The following PTPRS variants were observed in gnomAD, a reference collection of about 807,000 sequenced individuals.
PTPRS encodes receptor-type tyrosine-protein phosphatase S.
A neutral mutation model predicts 215.3 loss-of-function variants in PTPRS; 63 were observed. The ratio of observed to expected loss-of-function variants is 0.29; its 90% CI spans 0.24 to 0.36. The LOEUF (loss-of-function observed/expected upper bound fraction) is 0.36. Among genes scored for constraint, PTPRS ranks in the 10% least tolerant of loss-of-function variants. The pLI is 1.00. For synonymous variants in PTPRS, 1,404 were observed against 1,191.4 expected, an observed-to-expected ratio of 1.18 and a Z score of -3.68; for missense variants, 2,258 against 2,825.8, an observed-to-expected ratio of 0.80 and a Z score of 4.56.
chr19:5,246,786 T>G (rs1209779508), intron 9 of PTPRS, among the ~76,000 whole-genome samples: 1 of 152,018 alleles, frequency 6.6e-6, no homozygotes, highest in Admixed American at 6.6e-5. Flanking sequence ...ATTTTTGTGG[T>G]TTTTGGGTAT....
chr19:5,336,274 C>T (rs28438019), intron 1 of PTPRS, among the ~76,000 whole-genome samples: 152 of 33,776 alleles, frequency 4.5e-3, no homozygotes, highest in Non-Finnish European at 7.0e-3. Flanking sequence ...GGGGGGGGGG[C>T]GGGGGGGAAA....
chr19:5,279,936 G>A (rs1384634341), intron 2 of PTPRS, among the ~76,000 whole-genome samples: 2 of 152,142 alleles, frequency 1.3e-5, no homozygotes, highest in Non-Finnish European at 2.9e-5. Context: ...ACCCACCTTG[G>A]CCTCCCAAAG....
intron 18 of PTPRS, among the ~76,000 whole-genome samples, chr19:5,222,447 T>TGGAGGA (rs987279158): frequency 2.6e-4 from 6 of 23,416 alleles, no homozygotes; most frequent in Non-Finnish European, 4.0e-4. Flanking sequence ...AGAAAGAAGG[T>TGGAGGA]GGAGGAGGAG....
intron 1 of PTPRS, among the ~76,000 whole-genome samples, chr19:5,321,541 G>T (rs2050023917): frequency 6.6e-6 from 1 of 152,184 alleles, no homozygotes; most frequent in Non-Finnish European, 1.5e-5. Flanking sequence ...GGGTCATTTT[G>T]TAGAGGCCTC....
At chr19:5,307,381 C>T (rs537462339) in intron 1 of PTPRS, among the ~76,000 whole-genome samples, 4 of 151,824 alleles carry the variant, frequency 2.6e-5, no homozygotes, top group Non-Finnish European at 4.4e-5. Flanking sequence ...AAATAATGAT[C>T]GAAGAGATTA....
chr19:5,211,826 C>A, intron 32 of PTPRS, 58 bp from the exon 33 acceptor site: 1 of 1,594,274 alleles, frequency 6.3e-7, no homozygotes. Context: ...ATGCTTTCAG[C>A]TGGAGCACCA....
chr19:5,229,426 G>A (rs1280440546), intron 15 of PTPRS, 65 bp downstream of exon 15: 4 of 1,364,196 alleles, frequency 2.9e-6, no homozygotes, highest in South Asian at 3.7e-5. Context: ...GCAGAGGTGG[G>A]GGGAGCGCAA....
rs372417196 is a variant in PTPRS at position 5,210,618 on chromosome 19, G to A, written c.5362-24C>T. The A allele has an allele frequency of 1.1e-4, 183 of 1,613,968 alleles. No individual in the cohort carries two copies. The highest frequency in any genetic ancestry group is 1.4e-4 in the Non-Finnish European group (169 of 1,180,010). On this transcript the variant is annotated intron_variant, in intron 34 of 37. Coordinates refer to ENST00000262963, the MANE Select transcript of PTPRS (RefSeq NM_002850.4). The surrounding 1 kb of genome is among the most constrained non-coding windows in gnomAD (Gnocchi z 4.5). ...TCCTGTGGAGGAGATGGCGGCCGTG[G>A]TCAGCGCTGTCTGAGCCACAGTCTG...
At chr19:5,311,504 T>C (rs917024140) in intron 1 of PTPRS, among the ~76,000 whole-genome samples, 1 of 152,158 alleles carries the variant, frequency 6.6e-6, no homozygotes, top group Non-Finnish European at 1.5e-5. Flanking sequence ...CGACGGTTGT[T>C]TTCTGAACAC....
intron 1 of PTPRS, among the ~76,000 whole-genome samples, chr19:5,305,756 T>TAC (rs2049464586): frequency 9.0e-6 from 1 of 111,430 alleles, no homozygotes; most frequent in Admixed American, 9.1e-5. Context: ...AATATATATA[T>TAC]ATATATATAT....
intron 9 of PTPRS, 25 bp from the exon 10 acceptor site, chr19:5,246,070 C>G (rs112320333): frequency 4.0e-6 from 3 of 750,698 alleles, no homozygotes; most frequent in Non-Finnish European, 5.1e-6. Context: ...GCAGTGGCGG[C>G]GGGAGGGAGA....
At chr19:5,265,844 A>T (rs2046359289) in intron 4 of PTPRS, among the ~76,000 whole-genome samples, 1 of 151,364 alleles carries the variant, frequency 6.6e-6, no homozygotes, top group Non-Finnish European at 1.5e-5. Context: ...GATGCTCTAC[A>T]CCCTACTACA....
At chr19:5,215,656 G>C (rs2041364382) in intron 26 of PTPRS, 61 bp from the exon 27 acceptor site, 1 of 1,193,024 alleles carries the variant, frequency 8.4e-7, no homozygotes, top group Non-Finnish European at 1.2e-6. Context: ...GGGGACTCGG[G>C]GGAGGGGGGT....
At chr19:5,227,409 A>G (rs980628688) in intron 16 of PTPRS, among the ~76,000 whole-genome samples, 13 of 94,344 alleles carry the variant, frequency 1.4e-4, no homozygotes, top group African/African-American at 6.4e-4. Flanking sequence ...CCACAGCTGT[A>G]ACAATTTTTT....
At chr19:5,231,931 G>A (rs1395275450) in intron 13 of PTPRS, among the ~76,000 whole-genome samples, 2 of 152,322 alleles carry the variant, frequency 1.3e-5, no homozygotes, top group East Asian at 3.9e-4. Context: ...CAGAAACTGG[G>A]TGGGGGAATA....
At chr19:5,235,613 T>C (rs980960357) in intron 13 of PTPRS, among the ~76,000 whole-genome samples, 13 of 152,220 alleles carry the variant, frequency 8.5e-5, no homozygotes, top group African/African-American at 3.1e-4. Context: ...ACAATAATTG[T>C]TGCCACCCAT....
At chr19:5,331,121 CTT>C (rs139049185) in intron 1 of PTPRS, among the ~76,000 whole-genome samples, 46,054 of 115,078 alleles carry the variant, frequency 0.4, 9,611 homozygotes, top group African/African-American at 0.46. Context: ...GTCAGGGCTT[CTT>C]TTTTTAAAAA....
rs1172190513 is a variant in PTPRS, at chr19:5,238,920, G to A, written c.1848C>T (p.Ser616=). ...AGGGCGGCCCCGCGAGACACCTACT[G>A]GACTGCAGCGTGCGCTGCCGCACCA... The part of the protein sequence containing the change: ...TPVVRQRTLQ[S]KPSAPPQDVK... Residue 616 remains serine (S), a splice_region_variant and synonymous_variant, in exon 13 of 38, where the codon TCC becomes TCT. Coordinates refer to ENST00000262963, the MANE Select transcript of PTPRS (RefSeq NM_002850.4). 1 of 1,603,480 alleles carries A rather than the reference G, an allele frequency of 6.2e-7. No homozygotes were observed. Among genetic ancestry groups the A allele is most frequent in the Non-Finnish European group, 8.5e-7 (1 of 1,176,072 alleles).
At chr19:5,303,000 G>A (rs557035136) in intron 1 of PTPRS, among the ~76,000 whole-genome samples, 4 of 152,160 alleles carry the variant, frequency 2.6e-5, no homozygotes, top group Admixed American at 2.6e-4. Context: ...AACCCAGGAG[G>A]CAGAGCTTGC....
Sources: allele counts gnomAD v4.1 joint callset (sites outside exome capture counted in the v4.1 genomes callset), GRCh38; gene constraint gnomAD v4.1.1; non-coding constraint Gnocchi (gnomAD v3.1); transcripts MANE v1.5; gene names NCBI Gene and HGNC (gene_info 2026-07-23, HGNC 2026-07-21).